The following NGEF variants were observed in gnomAD, a reference collection of about 807,000 sequenced individuals.
NGEF encodes neuronal guanine nucleotide exchange factor.
In NGEF, 31 loss-of-function variants were observed where a neutral mutation model predicts 80.9. The observed-to-expected ratio is 0.38, with a 90% CI of 0.29 to 0.52. The LOEUF is 0.52. Among genes scored for constraint, NGEF ranks in the 20% least tolerant of loss-of-function variants. The pLI, the probability that NGEF is intolerant of heterozygous loss-of-function variation, is 0.84. For missense variants in NGEF, 709 were observed against 926.2 expected, an observed-to-expected ratio of 0.77 and a Z score of 3.04; for synonymous variants, 371 against 370.2, an observed-to-expected ratio of 1.00 and a Z score of -0.03.
At chr2:232,923,024 C>G (rs967251678) in intron 4 of NGEF, among the ~76,000 whole-genome samples, 2 of 151,820 alleles carry the variant, frequency 1.3e-5, no homozygotes, top group Non-Finnish European at 2.9e-5. Context: ...GAGCTGAGAT[C>G]GCGCCACTTC....
At chr2:233,011,378 G>A (rs1695199501) in intron 1 of NGEF, among the ~76,000 whole-genome samples, 1 of 152,122 alleles carries the variant, frequency 6.6e-6, no homozygotes, top group South Asian at 2.1e-4. Context: ...ACGTCATCTT[G>A]GGAGACGGGA....
intron 3 of NGEF, among the ~76,000 whole-genome samples, chr2:232,930,524 CATA>C (rs1372304229): frequency 3.3e-5 from 4 of 122,154 alleles, no homozygotes; most frequent in East Asian, 2.4e-4. Context: ...TTCACCATAT[CATA>C]GAGACAGGGT....
In NGEF at chr2:232,937,846, C is replaced by T. The variant is rs202140457; in HGVS notation, c.384-10660G>A. 3.3e-5 allele frequency among the ~76,000 whole-genome samples: 5 copies of T among 152,224 alleles called. No homozygotes were observed. In the East Asian group the frequency reaches 9.6e-4, roughly 29 times the overall value. On this transcript the variant is annotated intron_variant, in intron 3 of 14. Transcript: ENST00000264051. The stretch of plus-strand genomic sequence containing the variant: ...GGGAACTTGCAGGTAATGGCTTCTG[C>T]GATTGGTGCCTAAAGCTTGGGGGAG...
intron 2 of NGEF, among the ~76,000 whole-genome samples, chr2:232,970,649 T>G (rs367824424): frequency 7.2e-5 from 11 of 152,266 alleles, no homozygotes; most frequent in African/African-American, 2.4e-4. Flanking sequence ...ACCCCGTCTC[T>G]ACTAAAAATA....
intron 3 of NGEF, among the ~76,000 whole-genome samples, chr2:232,953,724 C>T (rs1370718768): frequency 2.0e-5 from 3 of 151,870 alleles, no homozygotes; most frequent in East Asian, 1.9e-4. Context: ...GACTGGGGCC[C>T]GGGAGCGTTT....
chr2:232,963,121 G>A (rs1374338483), intron 3 of NGEF, among the ~76,000 whole-genome samples: 1 of 151,854 alleles, frequency 6.6e-6, no homozygotes, highest in Non-Finnish European at 1.5e-5. Flanking sequence ...CAAAGTAGGA[G>A]GGTTTACACT....
At chr2:232,969,254 A>G (rs1219920105) in intron 3 of NGEF, among the ~76,000 whole-genome samples, 1 of 146,816 alleles carries the variant, frequency 6.8e-6, no homozygotes, top group African/African-American at 2.6e-5. Context: ...GCAACATAAT[A>G]AAACCTCTCT....
intron 3 of NGEF, among the ~76,000 whole-genome samples, chr2:232,938,468 G>A (rs995040202): frequency 6.6e-6 from 1 of 152,134 alleles, no homozygotes. Flanking sequence ...TGAGATATGG[G>A]TTTCTCTGGA....
At chr2:232,966,652 T>C (rs1694066238) in intron 3 of NGEF, among the ~76,000 whole-genome samples, 1 of 151,912 alleles carries the variant, frequency 6.6e-6, no homozygotes, top group South Asian at 2.1e-4. Flanking sequence ...GCCCCGTCAC[T>C]CCCCCTTTCA....
intron 1 of NGEF, among the ~76,000 whole-genome samples, chr2:232,982,898 T>C (rs1368430152): frequency 6.6e-6 from 1 of 152,196 alleles, no homozygotes; most frequent in African/African-American, 2.4e-5. Context: ...CAGATGAAGT[T>C]TCTGGCTTGG....
At chr2:232,891,264 A>G (rs1691875280) in intron 8 of NGEF, 94 bp downstream of exon 8, 1 of 1,502,160 alleles carries the variant, frequency 6.7e-7, no homozygotes, top group Non-Finnish European at 9.1e-7. Context: ...TATCTGTTGA[A>G]CCAGTAGACC....
chr2:232,920,565 G>A lies in NGEF; in HGVS notation c.547C>T (p.Arg183Ter), dbSNP rs1692921044. 1.3e-6 allele frequency: 2 copies of A among 1,526,238 alleles called. No individual in the cohort carries two copies. The highest frequency in any genetic ancestry group is 1.3e-5 in the South Asian group (1 of 76,716). The allele number at this position is 1,526,238 out of a possible 1,614,324, so 94.5% of individuals were successfully genotyped here. Residue 183 changes from arginine (R) to a stop codon, truncating the protein, a stop_gained, in exon 5 of 15, where the codon CGA (arginine) becomes TGA (stop). Coordinates refer to ENST00000264051, the MANE Select transcript of NGEF (RefSeq NM_019850.3). LOFTEE classifies it high-confidence loss of function. ...ATTTCTTGGAGAGTCGATTTATCTC[G>A]GTATTCCTGATACAGGAGCCCTGAA... The part of the protein sequence containing the change: ...EQIGLLYQEY[R>*]DKSTLQEIET...
chr2:232,932,158 CCTTT>C (rs1385668403), intron 3 of NGEF, among the ~76,000 whole-genome samples: 1 of 118,788 alleles, frequency 8.4e-6, no homozygotes, highest in South Asian at 2.7e-4. Context: ...TCCAGAATCA[CCTTT>C]CTTTTTTTTT....
At chr2:232,984,190 T>A (rs545639852) in intron 1 of NGEF, among the ~76,000 whole-genome samples, 2 of 152,076 alleles carry the variant, frequency 1.3e-5, no homozygotes, top group South Asian at 4.2e-4. Context: ...ACTCGAGCAA[T>A]CCTCCTTCCT....
intron 3 of NGEF, among the ~76,000 whole-genome samples, chr2:232,958,931 A>C (rs1261972691): frequency 2.0e-5 from 3 of 151,988 alleles, no homozygotes; most frequent in Admixed American, 6.6e-5. Flanking sequence ...ACGTCATATC[A>C]CTTCATCCAA....
chr2:232,944,431 A>G (rs949562433), intron 3 of NGEF, among the ~76,000 whole-genome samples: 4 of 152,036 alleles, frequency 2.6e-5, no homozygotes, highest in Non-Finnish European at 5.9e-5. Flanking sequence ...TCCTAAGGAG[A>G]CTGGTTGAAT....
intron 5 of NGEF, among the ~76,000 whole-genome samples, chr2:232,895,666 G>A (rs903580190): frequency 6.6e-6 from 1 of 152,144 alleles, no homozygotes; most frequent in Non-Finnish European, 1.5e-5. Context: ...CAGCAGAAAA[G>A]CGTCAGGGGA....
At chr2:232,932,168 T>TTC (rs1559213795) in intron 3 of NGEF, among the ~76,000 whole-genome samples, 1 of 147,688 alleles carries the variant, frequency 6.8e-6, no homozygotes, top group African/African-American at 2.5e-5. Context: ...CCTTTCTTTT[T>TTC]TTTTTTTTTT....
chr2:232,914,583 G>A (rs1022996779), intron 5 of NGEF, among the ~76,000 whole-genome samples: 1 of 152,006 alleles, frequency 6.6e-6, no homozygotes, highest in Non-Finnish European at 1.5e-5. Flanking sequence ...TACACCTGTA[G>A]TCTCAGCCAC....
Sources: gnomAD v4.1 joint callset for allele counts (sites outside exome capture counted in the v4.1 genomes callset) on GRCh38, gnomAD v4.1.1 for gene constraint, MANE v1.5 for transcripts, NCBI Gene and HGNC (gene_info 2026-07-23, HGNC 2026-07-21) for gene names.